The following PELI2 variants were observed in gnomAD, a reference collection of about 807,000 sequenced individuals.
PELI2 encodes the protein pellino E3 ubiquitin protein ligase family member 2.
A neutral mutation model predicts 42.3 loss-of-function variants in PELI2; 23 were observed. The ratio of observed to expected loss-of-function variants is 0.54; its 90% CI spans 0.39 to 0.77. The LOEUF (loss-of-function observed/expected upper bound fraction) is 0.77, where lower values mean the gene tolerates loss of function less well. Among genes scored for constraint, PELI2 ranks in the 30% least tolerant of loss-of-function variants. The pLI, the probability that PELI2 is intolerant of heterozygous loss-of-function variation, is 0.00. For missense variants in PELI2, 463 were observed against 553.2 expected (o/e 0.84, Z 1.64); for synonymous variants, 245 against 212.2 (o/e 1.15, Z -1.34).
intron 2 of PELI2, among the ~76,000 whole-genome samples, chr14:56,268,476 TTC>T (rs1403022415): frequency 1.3e-5 from 2 of 152,182 alleles, no homozygotes; most frequent in Non-Finnish European, 2.9e-5. Context: ...CGGTTAGATT[TTC>T]TCTCTCTCTT....
intron 1 of PELI2, among the ~76,000 whole-genome samples, chr14:56,171,836 C>T (rs1426604615): frequency 1.3e-5 from 2 of 151,886 alleles, no homozygotes; most frequent in Non-Finnish European, 2.9e-5. Flanking sequence ...GCCAATATGG[C>T]GAAACCCTGT....
In PELI2 at chr14:56,146,343, AAAG is replaced by A. The variant is rs539924149; in HGVS notation, c.77+27611_77+27613del. 3.9e-4 allele frequency among the ~76,000 whole-genome samples: 59 copies of A among 152,330 alleles called. No homozygotes were observed. The South Asian group carries it at 0.01, about 27-fold the overall frequency. On this transcript the variant is annotated intron_variant, in intron 1 of 5. Coordinates refer to ENST00000267460, the MANE Select transcript of PELI2 (RefSeq NM_021255.3). ...ATGCAGTACAAACTGGGACATTGAG[AAAG>A]AAGATTTAAAAATAGTCTTCTTTAC...
At chr14:56,250,064 G>C (rs1888291128) in intron 2 of PELI2, among the ~76,000 whole-genome samples, 2 of 152,216 alleles carry the variant, frequency 1.3e-5, no homozygotes, top group Middle Eastern at 3.4e-3. Flanking sequence ...CCTTACTGAG[G>C]ATGCTCCAAA....
intron 2 of PELI2, among the ~76,000 whole-genome samples, chr14:56,246,706 C>G (rs1888174282): frequency 6.6e-6 from 1 of 152,156 alleles, no homozygotes; most frequent in Admixed American, 6.5e-5. Flanking sequence ...TTTTGATTAT[C>G]TGTAGTACGC....
At chr14:56,241,342 T>C (rs895477115) in intron 2 of PELI2, among the ~76,000 whole-genome samples, 1 of 152,218 alleles carries the variant, frequency 6.6e-6, no homozygotes, top group East Asian at 1.9e-4. Flanking sequence ...TTGGGAAATT[T>C]GGGAATCAAT....
chr14:56,118,759 C>T lies in PELI2; in HGVS notation c.77+22C>T, dbSNP rs374246061. 1.2e-5 allele frequency: 17 copies of T among 1,456,070 alleles called. 1 individual carries two copies. Among genetic ancestry groups the T allele is most frequent in the Non-Finnish European group, 1.5e-5 (16 of 1,090,620 alleles). 90.2% of individuals were successfully genotyped at this position (1,456,070 alleles called of 1,614,324 possible). On this transcript the variant is annotated intron_variant, in intron 1 of 5. Coordinates refer to ENST00000267460, the MANE Select transcript of PELI2 (RefSeq NM_021255.3). ...TCGGGTGAGTCCTGGGGTCCCTGGT[C>T]CCGGGCAGCGGCGCGGGCGGGGAGC...
At chr14:56,213,413 A>C (rs530931508) in intron 2 of PELI2, among the ~76,000 whole-genome samples, 2 of 152,326 alleles carry the variant, frequency 1.3e-5, no homozygotes, top group East Asian at 3.9e-4. Context: ...GTACACTTTA[A>C]AAGCAGAGTC....
At chr14:56,135,179 A>ATGTGTGCTGCCGCGTGAG (rs1883641010) in intron 1 of PELI2, among the ~76,000 whole-genome samples, 1 of 152,186 alleles carries the variant, frequency 6.6e-6, no homozygotes, top group Admixed American at 6.5e-5. Context: ...TTCTGTGAGC[A>ATGTGTGCTGCCGCGTGAG]TGTGTGCTGC....
At position 56,300,743 on chromosome 14, in the gene PELI2, A is replaced by C. The variant is rs1408293869; in HGVS notation, c.*3577A>C. On this transcript the variant is annotated 3_prime_UTR_variant, in exon 6 of 6. Transcript: ENST00000267460. Reference sequence around the variant, plus strand: ...AGACAAACCACAGGACTTTGATTTTAAGCCAAATCCATCTCCATCCCTTTA... The same window carrying C: ...AGACAAACCACAGGACTTTGATTTTCAGCCAAATCCATCTCCATCCCTTTA... The C allele has an allele frequency of 2.6e-5, 4 of 152,156 alleles. No homozygotes were observed. The highest frequency in any genetic ancestry group is 9.7e-5 in the African/African-American group (4 of 41,436). 9.4% of individuals were successfully genotyped at this position (152,156 alleles called of 1,614,324 possible). A position where few individuals can be genotyped will look rare whatever the true frequency, so the allele number is the denominator to read the frequency against.
rs112042435 is a variant in PELI2, at chr14:56,195,169, C to T, written c.207+16705C>T. 8.5e-3 allele frequency among the ~76,000 whole-genome samples: 1,295 copies of T among 152,276 alleles called. 6 individuals carry two copies. The highest frequency in any genetic ancestry group is 0.013 in the Non-Finnish European group (868 of 68,028). On this transcript the variant is annotated intron_variant, in intron 2 of 5. Transcript: ENST00000267460. ...ATGCAAGCTAAATAAGTCTAGAGGA[C>T]GAAGAGAATCTCTTTGGTATTCCTT...
intron 2 of PELI2, among the ~76,000 whole-genome samples, chr14:56,250,619 C>T (rs976127046): frequency 1.6e-4 from 25 of 152,112 alleles, no homozygotes; most frequent in Middle Eastern, 3.2e-3. Context: ...AGGAAGCATG[C>T]GGCATGGTAG....
At chr14:56,178,593 A>G (rs1353809842) in intron 2 of PELI2, 129 bp downstream of exon 2, 1 of 1,083,654 alleles carries the variant, frequency 9.2e-7, no homozygotes. Flanking sequence ...AGGCTGGATA[A>G]TGCTTTGTTG....
At position 56,219,321 on chromosome 14, in the gene PELI2, T is replaced by C. The variant is rs1388272520; in HGVS notation, c.207+40857T>C. Among the ~76,000 whole-genome samples the C allele has an allele frequency of 6.6e-6, 1 of 152,164 alleles. No individual in the cohort carries two copies. The highest frequency in any genetic ancestry group is 2.4e-5 in the African/African-American group (1 of 41,424). On this transcript the variant is annotated intron_variant, in intron 2 of 5. Coordinates refer to ENST00000267460, the MANE Select transcript of PELI2 (RefSeq NM_021255.3). This position sits in a 1 kb window ranked among gnomAD's most constrained non-coding sequence, Gnocchi z 4.1. ...CCAAAACTGAAAGAGGAGATCCCCC[T>C]CTTAATTCTTAAACTATTTTTAAAA...
At chr14:56,250,189 A>G (rs1888295677) in intron 2 of PELI2, among the ~76,000 whole-genome samples, 1 of 152,182 alleles carries the variant, frequency 6.6e-6, no homozygotes, top group South Asian at 2.1e-4. Context: ...TGCCTGATGC[A>G]CTGACGGTTC....
intron 2 of PELI2, among the ~76,000 whole-genome samples, chr14:56,215,053 T>C (rs1181493426): frequency 1.3e-5 from 2 of 152,204 alleles, no homozygotes; most frequent in African/African-American, 4.8e-5. Context: ...ATAACTGCTT[T>C]TTTTGCTTAG....
At chr14:56,204,726 A>T (rs1171210900) in intron 2 of PELI2, among the ~76,000 whole-genome samples, 1 of 152,046 alleles carries the variant, frequency 6.6e-6, no homozygotes, top group East Asian at 1.9e-4. Context: ...AAGAGGTGGG[A>T]GTCTATGAGT....
intron 2 of PELI2, among the ~76,000 whole-genome samples, chr14:56,208,984 C>T (rs1343669565): frequency 6.6e-6 from 1 of 152,206 alleles, no homozygotes; most frequent in Non-Finnish European, 1.5e-5. Context: ...GCTACCAAGA[C>T]TTGACAGTTC....
intron 2 of PELI2, among the ~76,000 whole-genome samples, chr14:56,251,632 CCT>C (rs759165076): frequency 3.3e-5 from 5 of 152,136 alleles, no homozygotes; most frequent in Non-Finnish European, 5.9e-5. Flanking sequence ...GATTCCACAC[CCT>C]GTTTCAGTCT....
rs879827777 is a variant in PELI2, at chr14:56,275,091, TTC to T, written c.208-4584_208-4583del. ...GTTCATTCATTCATTCATTCATTCA[TTC>T]GTTTGACATTCATTGAATGCCTGCC... On this transcript the variant is annotated intron_variant, in intron 2 of 5. Transcript: ENST00000267460. Among the ~76,000 whole-genome samples, 465 of 150,348 alleles carry T rather than the reference TTC, an allele frequency of 3.1e-3. 2 individuals carry two copies. Among genetic ancestry groups the T allele is most frequent in the Middle Eastern group, 6.8e-3 (2 of 294 alleles).
Sources: allele counts gnomAD v4.1 joint callset (sites outside exome capture counted in the v4.1 genomes callset), GRCh38; gene constraint gnomAD v4.1.1; non-coding constraint Gnocchi (gnomAD v3.1); transcripts MANE v1.5; gene names NCBI Gene and HGNC (gene_info 2026-07-23, HGNC 2026-07-21).